The following LHFPL2 variants were observed in gnomAD, a reference collection of about 807,000 sequenced individuals.
The protein encoded by LHFPL2 is LHFPL tetraspan subfamily member 2 protein.
LHFPL2 carries 7 observed loss-of-function variants against 17.5 expected under a neutral mutation model. The ratio of observed to expected loss-of-function variants is 0.40; its 90% CI spans 0.23 to 0.75. The LOEUF (loss-of-function observed/expected upper bound fraction) is 0.75, where lower values mean the gene tolerates loss of function less well. Ranked by LOEUF, LHFPL2 falls within the 30% of genes least tolerant of loss-of-function variation. LHFPL2 has a pLI of 0.37. For missense variants in LHFPL2, 241 were observed against 294.8 expected (o/e 0.82, Z 1.34); for synonymous variants, 134 against 116.2 (o/e 1.15, Z -0.99).
chr5:78,578,420 G>A (rs1040776316), intron 2 of LHFPL2, among the ~76,000 whole-genome samples: 16 of 152,144 alleles, frequency 1.1e-4, no homozygotes, highest in African/African-American at 3.9e-4. Flanking sequence ...CTCTCACAGG[G>A]GGGTTTTGGG....
intron 3 of LHFPL2, among the ~76,000 whole-genome samples, chr5:78,555,297 G>A (rs1756542791): frequency 6.6e-6 from 1 of 152,260 alleles, no homozygotes; most frequent in African/African-American, 2.4e-5. Context: ...ATTAATAGGT[G>A]AGAATTCACT....
At chr5:78,588,222 G>A (rs1483439658) in intron 2 of LHFPL2, among the ~76,000 whole-genome samples, 1 of 152,200 alleles carries the variant, frequency 6.6e-6, no homozygotes, top group Non-Finnish European at 1.5e-5. Context: ...CTAGGCTGGA[G>A]TGCAGTGGTG....
chr5:78,514,085 A>T (rs950954997), intron 3 of LHFPL2, among the ~76,000 whole-genome samples: 1 of 152,186 alleles, frequency 6.6e-6, no homozygotes, highest in African/African-American at 2.4e-5. Flanking sequence ...GAACCTTATT[A>T]ACCACAGGGA....
At chr5:78,549,673 A>C (rs1486789521) in intron 3 of LHFPL2, among the ~76,000 whole-genome samples, 1 of 152,224 alleles carries the variant, frequency 6.6e-6, no homozygotes, top group African/African-American at 2.4e-5. Context: ...GCGGAGGAAG[A>C]CCACTTTCCT....
intron 2 of LHFPL2, among the ~76,000 whole-genome samples, chr5:78,581,812 G>C (rs988332879): frequency 6.6e-6 from 1 of 152,258 alleles, no homozygotes. Flanking sequence ...CATAAAATGA[G>C]TTAGGGAGGA....
intron 2 of LHFPL2, among the ~76,000 whole-genome samples, chr5:78,590,786 A>C (rs151012859): frequency 6.6e-6 from 1 of 152,220 alleles, no homozygotes; most frequent in Non-Finnish European, 1.5e-5. Flanking sequence ...AATGTAGAAC[A>C]GCGTAAAGTC....
intron 4 of LHFPL2, among the ~76,000 whole-genome samples, chr5:78,492,020 A>G (rs895012128): frequency 6.6e-6 from 1 of 152,186 alleles, no homozygotes; most frequent in East Asian, 1.9e-4. Flanking sequence ...ATAAACCCCA[A>G]TTAATCTTGT....
chr5:78,603,650 T>C (rs938903347), intron 2 of LHFPL2, among the ~76,000 whole-genome samples: 4 of 151,908 alleles, frequency 2.6e-5, no homozygotes, highest in Non-Finnish European at 5.9e-5. Flanking sequence ...GAGGCTGAGA[T>C]GAGAGGATGG....
chr5:78,535,134 G>A (rs2112365135), intron 3 of LHFPL2, among the ~76,000 whole-genome samples: 1 of 152,334 alleles, frequency 6.6e-6, no homozygotes, highest in African/African-American at 2.4e-5. Context: ...AAGAGGAAAT[G>A]AGGCTTCATC....
chr5:78,572,603 C>T (rs563022900), intron 2 of LHFPL2, among the ~76,000 whole-genome samples: 6 of 151,640 alleles, frequency 4.0e-5, no homozygotes, highest in African/African-American at 1.2e-4. Context: ...CTTTCAGTGC[C>T]AAATGACAAG....
At chr5:78,512,960 T>C (rs1398038345) in intron 3 of LHFPL2, among the ~76,000 whole-genome samples, 2 of 152,136 alleles carry the variant, frequency 1.3e-5, no homozygotes. Context: ...TTCAGCATGT[T>C]GGCCAGGCTG....
chr5:78,604,172 G>A (rs61208186), intron 2 of LHFPL2, among the ~76,000 whole-genome samples: 2,027 of 152,154 alleles, frequency 0.013, 41 homozygotes, highest in African/African-American at 0.044. Flanking sequence ...GTCCCACATA[G>A]ATATAATATC....
At chr5:78,497,159 T>C (rs1754631909) in intron 4 of LHFPL2, among the ~76,000 whole-genome samples, 1 of 152,208 alleles carries the variant, frequency 6.6e-6, no homozygotes, top group Admixed American at 6.5e-5. Flanking sequence ...CATCTTTGAC[T>C]CCTTTCTCAG....
intron 2 of LHFPL2, among the ~76,000 whole-genome samples, chr5:78,593,764 G>C (rs1297000802): frequency 6.6e-6 from 1 of 152,184 alleles, no homozygotes; most frequent in African/African-American, 2.4e-5. Flanking sequence ...TCCATACACA[G>C]CCTAGAGGAG....
intron 2 of LHFPL2, among the ~76,000 whole-genome samples, chr5:78,593,976 A>G (rs17389816): frequency 0.019 from 2,867 of 152,336 alleles, 43 homozygotes; most frequent in Middle Eastern, 0.041. Flanking sequence ...AAACTCTTGC[A>G]TACTGCTTGT....
chr5:78,571,215 C>A (rs1043479382), intron 2 of LHFPL2, among the ~76,000 whole-genome samples: 1 of 152,154 alleles, frequency 6.6e-6, no homozygotes, highest in African/African-American at 2.4e-5. Flanking sequence ...TGGTGCTGTG[C>A]TCCTCTCCTT....
Position 78,489,846 on chromosome 5 carries a change from G to A in LHFPL2, c.431-693C>T, listed in dbSNP as rs1022921876. ...GGATGCCTACGACTGCTTTGCTATG[G>A]TCTGCAAAATCTAAAATGTTTACTC... On this transcript the variant is annotated intron_variant, in intron 4 of 4. Coordinates refer to ENST00000380345, the MANE Select transcript of LHFPL2 (RefSeq NM_005779.3). Among the ~76,000 whole-genome samples, 3 of 152,150 alleles carry A rather than the reference G, an allele frequency of 2.0e-5. No individual in the cohort carries two copies. The South Asian group carries it at 6.2e-4, about 32-fold the overall frequency.
chr5:78,533,469 T>C (rs1755846230), intron 3 of LHFPL2, among the ~76,000 whole-genome samples: 1 of 151,970 alleles, frequency 6.6e-6, no homozygotes, highest in Non-Finnish European at 1.5e-5. Context: ...GCTGTGAGAG[T>C]AGGGGATGGG....
At chr5:78,581,742 T>C (rs1743150748) in intron 2 of LHFPL2, among the ~76,000 whole-genome samples, 1 of 152,252 alleles carries the variant, frequency 6.6e-6, no homozygotes, top group African/African-American at 2.4e-5. Flanking sequence ...GATATTGGTC[T>C]AAAATTCTCT....
Sources: allele counts gnomAD v4.1 joint callset (sites outside exome capture counted in the v4.1 genomes callset), GRCh38; gene constraint gnomAD v4.1.1; transcripts MANE v1.5; gene names NCBI Gene and HGNC (gene_info 2026-07-23, HGNC 2026-07-21).